The following SYT17 variants were observed in gnomAD, a reference collection of about 807,000 sequenced individuals.
SYT17 encodes synaptotagmin-17.
In SYT17, 22 loss-of-function variants were observed where a neutral mutation model predicts 46.7. That is an observed-to-expected ratio of 0.47 (90% confidence interval 0.34 to 0.67). The LOEUF (loss-of-function observed/expected upper bound fraction) is 0.67, where lower values mean the gene tolerates loss of function less well. Ranked by LOEUF, SYT17 falls within the 30% of genes least tolerant of loss-of-function variation. The pLI, the probability that SYT17 is intolerant of heterozygous loss-of-function variation, is 0.01. For synonymous variants in SYT17, 251 were observed against 248.4 expected (o/e 1.01, Z -0.10); for missense variants, 519 against 612.8 (o/e 0.85, Z 1.62).
At chr16:19,174,461 G>GAAGGA (rs1186594634) in intron 3 of SYT17, among the ~76,000 whole-genome samples, 1 of 152,220 alleles carries the variant, frequency 6.6e-6, no homozygotes, top group African/African-American at 2.4e-5. Context: ...TGGCAGAGTG[G>GAAGGA]AAGGAGGCAG....
intron 5 of SYT17, 71 bp from the exon 6 acceptor site, chr16:19,222,974 A>G (rs1029705191): frequency 7.5e-6 from 12 of 1,590,298 alleles, no homozygotes; most frequent in Middle Eastern, 1.7e-4. Context: ...GCTGCAATCA[A>G]TTTCTTGTAT....
chr16:19,211,589 A>C, intron 5 of SYT17: 2 of 643,106 alleles, frequency 3.1e-6, no homozygotes, highest in Non-Finnish European at 5.7e-6. Context: ...CCCAGGGAAT[A>C]GCAAGTTCAA....
intron 5 of SYT17, among the ~76,000 whole-genome samples, chr16:19,191,902 A>C (rs1213110450): frequency 6.6e-6 from 1 of 152,012 alleles, no homozygotes; most frequent in East Asian, 1.9e-4. Context: ...CTCCTGCCCC[A>C]GCCTCTCAAG....
Position 19,266,950 on chromosome 16 carries a change from C to A in SYT17, c.1299C>A (p.Gly433=), listed in dbSNP as rs1171186214. The change falls in exon 8 of 8, where the codon GGC becomes GGA. Residue 433 remains glycine, a synonymous_variant. Transcript: ENST00000355377. ...TCGTCATTGGCCAGTACTCTTCAGG[C>A]CCCTCTGAGACCAACCACTGGAGGC... is the stretch of plus-strand genomic sequence containing the variant. The part of the protein sequence containing the change: ...GRIVIGQYSS[G]PSETNHWRRM... The A allele has an allele frequency of 6.8e-6, 11 of 1,613,716 alleles. No individual in the cohort carries two copies. The highest frequency in any genetic ancestry group is 8.5e-6 in the Non-Finnish European group (10 of 1,179,996).
At chr16:19,196,884 ATTTGAGGTGC>A (rs1198614831) in intron 5 of SYT17, among the ~76,000 whole-genome samples, 1 of 152,146 alleles carries the variant, frequency 6.6e-6, no homozygotes, top group Admixed American at 6.5e-5. Flanking sequence ...ATACTTGATA[ATTTGAGGTGC>A]TCAGAGTTAT....
intron 5 of SYT17, among the ~76,000 whole-genome samples, chr16:19,203,611 G>A (rs1041267196): frequency 2.0e-5 from 3 of 152,228 alleles, no homozygotes; most frequent in Non-Finnish European, 4.4e-5. Context: ...AAAGTGGTAA[G>A]TGAAGGGCTC....
chr16:19,201,796 C>G (rs1965477569), intron 5 of SYT17, among the ~76,000 whole-genome samples: 1 of 151,942 alleles, frequency 6.6e-6, no homozygotes, highest in African/African-American at 2.4e-5. Context: ...TGACCACTGA[C>G]ACGTTCATTC....
intron 6 of SYT17, 93 bp downstream of exon 6, chr16:19,223,258 G>A: frequency 6.7e-6 from 10 of 1,483,126 alleles, no homozygotes; most frequent in Non-Finnish European, 8.3e-6. Flanking sequence ...TCCTGGATGA[G>A]CATTACTCAT....
Position 19,180,462 on chromosome 16 carries a change from G to T in SYT17, c.254G>T (p.Arg85Leu). The change falls in exon 4 of 8, where the codon CGG becomes CTG. Residue 85 changes from arginine to leucine, a missense_variant. Arg to Leu is a moderately radical substitution (Grantham distance 102). Coordinates refer to ENST00000355377, the MANE Select transcript of SYT17 (RefSeq NM_016524.4). ...HTASEVPLTP[R>L]TNSPDGRRSS... ...GCCAGCGAAGTCCCGCTGACCCCAC[G>T]GACCAATTCCCCGGATGGAAGACGC... is the stretch of plus-strand genomic sequence containing the variant. 1 of 1,614,154 alleles carries T rather than the reference G, an allele frequency of 6.2e-7. No homozygotes were observed. Among genetic ancestry groups the T allele is most frequent in the Non-Finnish European group, 8.5e-7 (1 of 1,180,012 alleles).
intron 7 of SYT17, among the ~76,000 whole-genome samples, chr16:19,239,278 A>AAATTAATTAATTAATT (rs918681071): frequency 1.1e-3 from 167 of 151,416 alleles, no homozygotes; most frequent in Non-Finnish European, 1.9e-3. Context: ...CCCTGTCTCA[A>AAATTAATTAATTAATT]AATTAATTAA....
At chr16:19,265,080 C>T (rs1969271057) in intron 7 of SYT17, among the ~76,000 whole-genome samples, 1 of 152,172 alleles carries the variant, frequency 6.6e-6, no homozygotes, top group South Asian at 2.1e-4. Flanking sequence ...AGATTTGAGG[C>T]TCACAGGGAA....
intron 5 of SYT17, among the ~76,000 whole-genome samples, chr16:19,202,176 T>C (rs1965492818): frequency 6.6e-6 from 1 of 151,998 alleles, no homozygotes; most frequent in Admixed American, 6.6e-5. Flanking sequence ...TCCCATAAGA[T>C]TGCCCCTGCT....
At chr16:19,256,225 T>C (rs1470840004) in intron 7 of SYT17, among the ~76,000 whole-genome samples, 1 of 152,006 alleles carries the variant, frequency 6.6e-6, no homozygotes, top group Non-Finnish European at 1.5e-5. Context: ...GTCTTTAATA[T>C]AGGACATCTT....
intron 7 of SYT17, among the ~76,000 whole-genome samples, chr16:19,245,388 G>C (rs61597894): frequency 0.042 from 6,459 of 152,210 alleles, 494 homozygotes; most frequent in African/African-American, 0.15. Context: ...TGGTGCCAAA[G>C]TGAAGAAACC....
intron 5 of SYT17, among the ~76,000 whole-genome samples, chr16:19,204,789 G>A (rs544588538): frequency 7.2e-5 from 11 of 152,170 alleles, no homozygotes; most frequent in African/African-American, 1.9e-4. Context: ...CTCTGTTGAG[G>A]GCAGCTTTGG....
intron 5 of SYT17, among the ~76,000 whole-genome samples, chr16:19,218,340 T>G (rs3785349): frequency 0.81 from 123,462 of 152,126 alleles, 50,607 homozygotes; most frequent in African/African-American, 0.92. Flanking sequence ...AGACAACAGT[T>G]TTACAAATTG....
At chr16:19,249,467 AATCATAGGCAGTG>A (rs1967871316) in intron 7 of SYT17, among the ~76,000 whole-genome samples, 1 of 152,168 alleles carries the variant, frequency 6.6e-6, no homozygotes, top group African/African-American at 2.4e-5. Flanking sequence ...GTACTTACAC[AATCATAGGCAGTG>A]ATTAAAATTC....
intron 5 of SYT17, among the ~76,000 whole-genome samples, chr16:19,200,628 A>T (rs1965424003): frequency 1.3e-5 from 2 of 152,116 alleles, no homozygotes; most frequent in South Asian, 4.1e-4. Context: ...TCTCCATTCG[A>T]GTTTTATTTC....
intron 5 of SYT17, among the ~76,000 whole-genome samples, chr16:19,206,513 A>G (rs1275472232): frequency 2.0e-5 from 3 of 152,120 alleles, no homozygotes; most frequent in Non-Finnish European, 2.9e-5. Flanking sequence ...GGGCCACTGT[A>G]ATACACACTG....
Sources: gnomAD v4.1 joint callset for allele counts (sites outside exome capture counted in the v4.1 genomes callset) on GRCh38, gnomAD v4.1.1 for gene constraint, MANE v1.5 for transcripts, NCBI Gene and HGNC (gene_info 2026-07-23, HGNC 2026-07-21) for gene names.